The following CALN1 variants were observed in gnomAD, a reference collection of about 807,000 sequenced individuals.
CALN1 encodes the protein calneuron 1, also known as calcium-binding protein 8.
CALN1 carries 17 observed loss-of-function variants against 30.6 expected under a neutral mutation model. That is an observed-to-expected ratio of 0.56 (90% CI 0.38 to 0.83). The LOEUF is 0.83. Among genes scored for constraint, CALN1 ranks in the 40% least tolerant of loss-of-function variants. The pLI is 0.00. For missense variants in CALN1, 291 were observed against 354.9 expected, an observed-to-expected ratio of 0.82 and a Z score of 1.45; for synonymous variants, 156 against 131.4, an observed-to-expected ratio of 1.19 and a Z score of -1.28.
intron 3 of CALN1, among the ~76,000 whole-genome samples, chr7:72,265,759 C>G (rs763211994): frequency 3.3e-5 from 5 of 152,038 alleles, no homozygotes; most frequent in Non-Finnish European, 7.4e-5. Flanking sequence ...TGCTTGCTAT[C>G]TCATGCAGGG....
chr7:72,468,152 G>C, the CALN1 span, among the ~76,000 whole-genome samples: 1 of 152,062 alleles, frequency 6.6e-6, no homozygotes, highest in Non-Finnish European at 1.5e-5. Context: ...TTCCATTGTT[G>C]GACATTTGGG....
At chr7:72,082,058 C>T (rs1316240719) in intron 4 of CALN1, among the ~76,000 whole-genome samples, 2 of 152,052 alleles carry the variant, frequency 1.3e-5, no homozygotes, top group Non-Finnish European at 2.9e-5. Flanking sequence ...GCAGTCTCGG[C>T]TCACTGCAAC....
chr7:72,054,546 T>TATAC (rs1563016032), intron 4 of CALN1, among the ~76,000 whole-genome samples: 1 of 108,354 alleles, frequency 9.2e-6, no homozygotes, highest in Non-Finnish European at 1.8e-5. Context: ...TATATATACA[T>TATAC]ATATATATAT....
chr7:72,331,888 T>A (rs1159564833), intron 2 of CALN1, among the ~76,000 whole-genome samples: 2 of 152,014 alleles, frequency 1.3e-5, no homozygotes, highest in Admixed American at 1.3e-4. Context: ...CCAGTGTGTT[T>A]GTGCATCCCC....
intron 6 of CALN1, among the ~76,000 whole-genome samples, chr7:71,809,312 C>T (rs895204610): frequency 2.6e-5 from 4 of 151,842 alleles, no homozygotes; most frequent in Non-Finnish European, 5.9e-5. Flanking sequence ...AGTTCTGGTG[C>T]CTGGGACCAG....
At chr7:72,097,888 A>G (rs1412061560) in intron 4 of CALN1, among the ~76,000 whole-genome samples, 1 of 151,786 alleles carries the variant, frequency 6.6e-6, no homozygotes, top group Non-Finnish European at 1.5e-5. Flanking sequence ...TAATTTTTGT[A>G]TTTTTATTAG....
rs554232782 is a variant in CALN1, at chr7:72,078,041, C to T, written c.388+28110G>A. On this transcript the variant is annotated intron_variant, in intron 4 of 6. Coordinates refer to ENST00000395275, the MANE Select transcript of CALN1 (RefSeq NM_031468.4). ...TGTCTGGAAGGTACAGTTGCCATAGCAATCCCGGCTAATGACTAGGTATGT... is the reference window on the plus strand; with the variant it reads ...TGTCTGGAAGGTACAGTTGCCATAGTAATCCCGGCTAATGACTAGGTATGT... Among the ~76,000 whole-genome samples the T allele has an allele frequency of 5.0e-4, 76 of 152,306 alleles. 2 individuals carry two copies. In the South Asian group the frequency reaches 0.015, roughly 31 times the overall value.
intron 5 of CALN1, among the ~76,000 whole-genome samples, chr7:71,977,341 G>A (rs1044799908): frequency 2.0e-5 from 3 of 152,114 alleles, no homozygotes; most frequent in African/African-American, 7.2e-5. Flanking sequence ...AGGCTGAGGT[G>A]GGAGGATCAC....
chr7:72,437,940 CCCTTCCTTCCTT>C (rs142091881), intron 1 of CALN1, among the ~76,000 whole-genome samples: 2 of 146,034 alleles, frequency 1.4e-5, no homozygotes, highest in African/African-American at 5.1e-5. Context: ...TTCCCTCTCT[CCCTTCCTTCCTT>C]CCTTCCTTCT....
intron 6 of CALN1, among the ~76,000 whole-genome samples, chr7:71,791,414 G>T (rs551815180): frequency 6.6e-6 from 1 of 152,268 alleles, no homozygotes; most frequent in Non-Finnish European, 1.5e-5. Context: ...CATTAATGGT[G>T]CTGGAGGCCA....
chr7:72,114,267 GGGAAGGGA>G (rs1807794793), intron 3 of CALN1, among the ~76,000 whole-genome samples: 1 of 74,344 alleles, frequency 1.3e-5, no homozygotes, highest in Non-Finnish European at 2.6e-5. Context: ...GGGAAGGGAA[GGGAAGGGA>G]AGGGAAGGGA....
Position 71,785,670 on chromosome 7 carries a change from A to G in CALN1, c.*2105T>C, listed in dbSNP as rs530380958. On this transcript the variant is annotated 3_prime_UTR_variant, in exon 7 of 7. Coordinates refer to ENST00000395275, the MANE Select transcript of CALN1 (RefSeq NM_031468.4). ...CAAGATCTGCTATGCCCTCCCATCT[A>G]AGTCCAGATGGGAGAGGGCAAACTG... The G allele has an allele frequency of 6.6e-6, 1 of 152,378 alleles. No homozygotes were observed. The highest frequency in any genetic ancestry group is 2.1e-4 in the South Asian group (1 of 4,826). The allele number at this position is 152,378 out of a possible 1,614,324, so 9.4% of individuals were successfully genotyped here. A position where few individuals can be genotyped will look rare whatever the true frequency, so the allele number is the denominator to read the frequency against.
chr7:72,296,286 T>G (rs1248776649), intron 2 of CALN1, among the ~76,000 whole-genome samples: 2 of 147,932 alleles, frequency 1.4e-5, no homozygotes, highest in Non-Finnish European at 3.0e-5. Context: ...TGAGGATTTT[T>G]GCATCAATGT....
the CALN1 span, among the ~76,000 whole-genome samples, chr7:72,459,542 C>A: frequency 6.6e-6 from 1 of 151,190 alleles, no homozygotes; most frequent in African/African-American, 2.4e-5. Flanking sequence ...AGGAGGATCC[C>A]TTCAGCCCAG....
At chr7:72,349,282 T>TTGTGTGTGTGTGTG (rs3032183) in intron 2 of CALN1, among the ~76,000 whole-genome samples, 80 of 147,868 alleles carry the variant, frequency 5.4e-4, no homozygotes, top group African/African-American at 1.9e-3. Context: ...ACACGCGTGC[T>TTGTGTGTGTGTGTG]TGTGTGTGTG....
intron 2 of CALN1, among the ~76,000 whole-genome samples, chr7:72,391,397 T>C (rs764602663): frequency 2.0e-5 from 3 of 152,176 alleles, no homozygotes; most frequent in Non-Finnish European, 2.9e-5. Context: ...AATCCTACTT[T>C]TCCATTTCAC....
chr7:71,994,898 G>A (rs1279411244), intron 5 of CALN1, among the ~76,000 whole-genome samples: 3 of 150,246 alleles, frequency 2.0e-5, no homozygotes, highest in Non-Finnish European at 4.4e-5. Flanking sequence ...TGTCCCCCAG[G>A]CTGGAGTGCA....
chr7:72,404,175 G>C (rs182128449), intron 1 of CALN1, among the ~76,000 whole-genome samples: 7 of 152,222 alleles, frequency 4.6e-5, no homozygotes, highest in Middle Eastern at 3.4e-3. Context: ...CCTCTCCCTT[G>C]GTTGGGTTAA....
chr7:71,808,030 C>T (rs1021900522), intron 6 of CALN1, among the ~76,000 whole-genome samples: 26 of 152,014 alleles, frequency 1.7e-4, no homozygotes, highest in Admixed American at 3.9e-4. Context: ...GCAGAGATTG[C>T]GCCACTGCAC....
Sources: gnomAD v4.1 joint callset for allele counts (sites outside exome capture counted in the v4.1 genomes callset) on GRCh38, gnomAD v4.1.1 for gene constraint, MANE v1.5 for transcripts, NCBI Gene and HGNC (gene_info 2026-07-23, HGNC 2026-07-21) for gene names.